GALNT13: variants seen among roughly 807,000 people sequenced by gnomAD.
The protein encoded by GALNT13 is UDP-GalNAc:polypeptide N-acetylgalactosaminyltransferase 13.
GALNT13 carries 28 observed loss-of-function variants against 64.2 expected under a neutral mutation model. The observed-to-expected ratio is 0.44, with a 90% CI of 0.32 to 0.60. The LOEUF (loss-of-function observed/expected upper bound fraction) is 0.60. GALNT13 is among the 20% of genes least tolerant of loss of function. GALNT13 has a pLI of 0.05. For missense variants in GALNT13, 577 were observed against 669.8 expected, an observed-to-expected ratio of 0.86 and a Z score of 1.53; for synonymous variants, 214 against 224.6, an observed-to-expected ratio of 0.95 and a Z score of 0.42.
intron 2 of GALNT13, among the ~76,000 whole-genome samples, chr2:153,940,381 C>T (rs1270236391): frequency 6.6e-6 from 1 of 151,722 alleles, no homozygotes; most frequent in Non-Finnish European, 1.5e-5. Context: ...CCTCTGCCTC[C>T]TGAGTAGTTG....
chr2:154,410,500 G>A (rs1699744417), intron 11 of GALNT13, among the ~76,000 whole-genome samples: 1 of 151,866 alleles, frequency 6.6e-6, no homozygotes, highest in African/African-American at 2.4e-5. Context: ...ATCAAAGTCA[G>A]GGAAGAACTG....
chr2:154,022,307 A>G (rs907231268), intron 3 of GALNT13, among the ~76,000 whole-genome samples: 5 of 152,132 alleles, frequency 3.3e-5, no homozygotes, highest in Admixed American at 6.5e-5. Context: ...TCTCTGGTAG[A>G]ATTCGGCTGT....
the GALNT13 span, among the ~76,000 whole-genome samples, chr2:153,167,602 T>C: frequency 6.6e-6 from 1 of 152,230 alleles, no homozygotes; most frequent in Non-Finnish European, 1.5e-5. Flanking sequence ...CTTCCTTTGG[T>C]GATTGCTTCA....
rs183912651 is a variant in GALNT13, at chr2:153,972,467, T to C, written c.142+27828T>C. Among the ~76,000 whole-genome samples, 4 of 152,186 alleles carry C rather than the reference T, an allele frequency of 2.6e-5. No homozygotes were observed. The East Asian group carries it at 7.7e-4, about 29-fold the overall frequency. On this transcript the variant is annotated intron_variant, in intron 3 of 12. Transcript: ENST00000392825. ...TTATAGTTCTATAAAAATATAATAC[T>C]TTTTTATGGAAGTCCCCTTATTAGA... is the stretch of plus-strand genomic sequence containing the variant.
intron 3 of GALNT13, among the ~76,000 whole-genome samples, chr2:154,118,630 T>C (rs192960110): frequency 1.8e-4 from 27 of 152,076 alleles, no homozygotes; most frequent in African/African-American, 6.5e-4. Context: ...TGGTTTTCTG[T>C]AGTGGTTCAT....
At chr2:154,023,507 G>C (rs1007056368) in intron 3 of GALNT13, among the ~76,000 whole-genome samples, 34 of 152,148 alleles carry the variant, frequency 2.2e-4, no homozygotes, top group Non-Finnish European at 4.6e-4. Context: ...TGAGAGACTA[G>C]GATTGCAACC....
intron 8 of GALNT13, among the ~76,000 whole-genome samples, chr2:154,291,901 G>C (rs1692665873): frequency 2.6e-5 from 4 of 152,246 alleles, no homozygotes; most frequent in Admixed American, 2.6e-4. Context: ...TTATGTTTGA[G>C]ATAAATCTTC....
intron 3 of GALNT13, among the ~76,000 whole-genome samples, chr2:154,045,439 T>G (rs1211919580): frequency 6.6e-6 from 1 of 152,212 alleles, no homozygotes. Context: ...ATGCTCTTTA[T>G]TGCCTGTATC....
the GALNT13 span, among the ~76,000 whole-genome samples, chr2:153,099,315 A>T: frequency 6.6e-6 from 1 of 152,112 alleles, no homozygotes; most frequent in Admixed American, 6.5e-5. Context: ...TGACATTTTG[A>T]TGGTAAAGGA....
the GALNT13 span, among the ~76,000 whole-genome samples, chr2:153,073,175 A>G: frequency 6.6e-6 from 1 of 152,164 alleles, no homozygotes; most frequent in Non-Finnish European, 1.5e-5. Flanking sequence ...GGTCATGGAT[A>G]AGTTTCCTAA....
chr2:153,744,597 TG>T, the GALNT13 span, among the ~76,000 whole-genome samples: 2 of 152,186 alleles, frequency 1.3e-5, no homozygotes, highest in African/African-American at 4.8e-5. Flanking sequence ...AATGTCCAAG[TG>T]GGCAAGATTT....
the GALNT13 span, among the ~76,000 whole-genome samples, chr2:153,786,943 C>T: frequency 2.6e-5 from 4 of 152,088 alleles, no homozygotes; most frequent in African/African-American, 4.8e-5. Flanking sequence ...ACCGCTGGCT[C>T]GGGTCCACAG....
chr2:153,787,510 G>T, the GALNT13 span, among the ~76,000 whole-genome samples: 2 of 152,146 alleles, frequency 1.3e-5, no homozygotes, highest in African/African-American at 4.8e-5. Context: ...ACCAATGCAA[G>T]AACTCCAGCA....
chr2:153,253,795 A>AG, the GALNT13 span, among the ~76,000 whole-genome samples: 1 of 151,134 alleles, frequency 6.6e-6, no homozygotes, highest in Admixed American at 6.6e-5. Flanking sequence ...ATATTGAATC[A>AG]GCCCTGCATC....
At chr2:154,305,115 C>G (rs1338510306) in intron 9 of GALNT13, among the ~76,000 whole-genome samples, 1 of 152,216 alleles carries the variant, frequency 6.6e-6, no homozygotes, top group African/African-American at 2.4e-5. Flanking sequence ...AGGTTGCATT[C>G]AGGAAGTCAG....
At chr2:153,733,660 C>G in the GALNT13 span, among the ~76,000 whole-genome samples, 1 of 152,212 alleles carries the variant, frequency 6.6e-6, no homozygotes, top group African/African-American at 2.4e-5. Flanking sequence ...AAGTGGCTTC[C>G]TCTCCGTGTA....
intron 9 of GALNT13, among the ~76,000 whole-genome samples, chr2:154,363,675 G>C (rs1422975535): frequency 6.6e-6 from 1 of 152,148 alleles, no homozygotes; most frequent in Non-Finnish European, 1.5e-5. Flanking sequence ...GTTTTTATGT[G>C]AAGCTCTTTT....
At chr2:154,147,016 G>A (rs1683646052) in intron 4 of GALNT13, among the ~76,000 whole-genome samples, 1 of 151,922 alleles carries the variant, frequency 6.6e-6, no homozygotes, top group Non-Finnish European at 1.5e-5. Flanking sequence ...TCTGTTTTTT[G>A]TTAGTTTAAT....
the GALNT13 span, among the ~76,000 whole-genome samples, chr2:153,721,106 G>T: frequency 4.1e-5 from 6 of 147,662 alleles, no homozygotes; most frequent in South Asian, 4.4e-4. Context: ...GACTAACAGC[G>T]GATCTCTCGG....
Sources: allele counts gnomAD v4.1 joint callset (sites outside exome capture counted in the v4.1 genomes callset), GRCh38; gene constraint gnomAD v4.1.1; transcripts MANE v1.5; gene names NCBI Gene and HGNC (gene_info 2026-07-23, HGNC 2026-07-21).